The following NBAS variants were observed in gnomAD, a reference collection of about 807,000 sequenced individuals.
NBAS encodes the protein NBAS subunit of NRZ tethering complex.
Under a neutral mutation model 302.5 loss-of-function variants are expected in NBAS, and 219 were observed. The ratio of observed to expected loss-of-function variants is 0.72; its 90% CI spans 0.65 to 0.81. The LOEUF is 0.81. NBAS is among the 30% of genes least tolerant of loss of function. The pLI is 0.00. For missense variants in NBAS, 2,932 were observed against 2,841.6 expected (o/e 1.03, Z -0.72); for synonymous variants, 1,118 against 1,021.6 (o/e 1.09, Z -1.80).
chr2:15,542,208 T>C (rs1442410526), intron 6 of NBAS, among the ~76,000 whole-genome samples: 1 of 85,192 alleles, frequency 1.2e-5, no homozygotes, highest in African/African-American at 4.3e-5. Flanking sequence ...GGGGAAAAGA[T>C]TGAGAAATCG....
chr2:14,917,594 T>TA, the NBAS span, among the ~76,000 whole-genome samples: 1 of 152,186 alleles, frequency 6.6e-6, no homozygotes, highest in East Asian at 1.9e-4. Flanking sequence ...AGGGTCACCT[T>TA]AGAGTCTGCC....
At chr2:15,231,680 G>A (rs528045361) in intron 47 of NBAS, among the ~76,000 whole-genome samples, 1 of 152,238 alleles carries the variant, frequency 6.6e-6, no homozygotes, top group South Asian at 2.1e-4. Context: ...ATCTGCACCT[G>A]AACAATAACT....
chr2:15,069,556 CAAA>C, the NBAS span, among the ~76,000 whole-genome samples: 83,815 of 146,028 alleles, frequency 0.57, 24,516 homozygotes, highest in East Asian at 0.7. Context: ...CAGTGGGGCT[CAAA>C]AAAAAAAAAA....
the NBAS span, among the ~76,000 whole-genome samples, chr2:14,955,796 G>A: frequency 4.6e-5 from 7 of 152,248 alleles, no homozygotes; most frequent in East Asian, 9.7e-4. Flanking sequence ...AGGGTCCCCA[G>A]CCTCCACTCA....
At chr2:14,941,097 G>C in the NBAS span, among the ~76,000 whole-genome samples, 2 of 152,344 alleles carry the variant, frequency 1.3e-5, no homozygotes, top group Admixed American at 6.5e-5. Flanking sequence ...GGGCAGGATA[G>C]GGAGGGGAGT....
chr2:14,891,960 T>A, the NBAS span, among the ~76,000 whole-genome samples: 1 of 152,198 alleles, frequency 6.6e-6, no homozygotes, highest in African/African-American at 2.4e-5. Context: ...GACAATTATT[T>A]CCTGGCCAAA....
At chr2:15,405,080 T>G (rs530009786) in intron 25 of NBAS, among the ~76,000 whole-genome samples, 1 of 152,298 alleles carries the variant, frequency 6.6e-6, no homozygotes, top group East Asian at 1.9e-4. Flanking sequence ...TACTCCTACC[T>G]GGAATGTCTT....
intron 48 of NBAS, among the ~76,000 whole-genome samples, chr2:15,209,731 G>A (rs1272916225): frequency 6.6e-6 from 1 of 151,980 alleles, no homozygotes; most frequent in African/African-American, 2.4e-5. Flanking sequence ...TTATACTATG[G>A]AGCTATAGTA....
chr2:15,124,662 C>T, the NBAS span, among the ~76,000 whole-genome samples: 3 of 152,230 alleles, frequency 2.0e-5, no homozygotes, highest in East Asian at 1.9e-4. Flanking sequence ...AATCTCAGGA[C>T]ACTTGCTGCA....
At chr2:15,435,090 T>C (rs1677947150) in intron 21 of NBAS, among the ~76,000 whole-genome samples, 1 of 152,220 alleles carries the variant, frequency 6.6e-6, no homozygotes, top group South Asian at 2.1e-4. Flanking sequence ...AATTTATCAA[T>C]TACAAAACTA....
intron 47 of NBAS, among the ~76,000 whole-genome samples, chr2:15,220,615 T>C (rs921076758): frequency 6.6e-6 from 1 of 152,214 alleles, no homozygotes; most frequent in South Asian, 2.1e-4. Context: ...TCTCTTTTCT[T>C]GTAACCCCAA....
chr2:15,061,884 T>C, the NBAS span, among the ~76,000 whole-genome samples: 1 of 152,170 alleles, frequency 6.6e-6, no homozygotes, highest in Non-Finnish European at 1.5e-5. Context: ...AGCAAAGCAT[T>C]ATATCATTGA....
the NBAS span, among the ~76,000 whole-genome samples, chr2:14,806,785 C>T: frequency 7.9e-5 from 12 of 152,228 alleles, no homozygotes; most frequent in Non-Finnish European, 1.2e-4. Context: ...TTGAGCAACG[C>T]TCATAAATAA....
the NBAS span, among the ~76,000 whole-genome samples, chr2:15,160,037 A>G: frequency 6.6e-6 from 1 of 152,180 alleles, no homozygotes; most frequent in Admixed American, 6.5e-5. Flanking sequence ...CAAAGCAGCC[A>G]CCAATCCAGA....
the NBAS span, among the ~76,000 whole-genome samples, chr2:14,893,766 T>G: frequency 2.0e-5 from 3 of 152,324 alleles, no homozygotes; most frequent in East Asian, 5.8e-4. Context: ...TTTGCAGTGT[T>G]AATTGCTACA....
chr2:15,051,756 T>A, the NBAS span, among the ~76,000 whole-genome samples: 1 of 152,344 alleles, frequency 6.6e-6, no homozygotes, highest in Non-Finnish European at 1.5e-5. Context: ...TTGATGCCAT[T>A]CTGTCACCGT....
At position 15,494,465 on chromosome 2, in the gene NBAS, C is replaced by G. The variant is rs181539770; in HGVS notation, c.955-5443G>C. ...TAGAAGTTAGTATGAAGATTGGATT[C>G]TACCTGAATCCATAATAACACATCT... On this transcript the variant is annotated intron_variant, in intron 11 of 51. Transcript: ENST00000281513. Among the ~76,000 whole-genome samples the G allele has an allele frequency of 5.0e-4, 76 of 152,340 alleles. 1 individual carries two copies. The highest frequency in any genetic ancestry group is 1.7e-3 in the African/African-American group (72 of 41,574).
the NBAS span, among the ~76,000 whole-genome samples, chr2:15,099,153 A>C: frequency 0.069 from 10,501 of 151,992 alleles, 566 homozygotes; most frequent in African/African-American, 0.15. Flanking sequence ...AAATACAAAA[A>C]TTAGCCAGGC....
chr2:14,887,910 C>T, the NBAS span, among the ~76,000 whole-genome samples: 1 of 152,256 alleles, frequency 6.6e-6, no homozygotes. Flanking sequence ...TATCTCAGAA[C>T]ACTCTCTCTT....
Sources: allele counts gnomAD v4.1 joint callset (sites outside exome capture counted in the v4.1 genomes callset), GRCh38; gene constraint gnomAD v4.1.1; transcripts MANE v1.5; gene names NCBI Gene and HGNC (gene_info 2026-07-23, HGNC 2026-07-21).